Variants in NALCN observed in about 807,000 individuals in gnomAD.
NALCN encodes sodium leak channel, non-selective.
Under a neutral mutation model 225.3 loss-of-function variants are expected in NALCN, and 111 were observed. The ratio of observed to expected loss-of-function variants is 0.49; its 90% CI spans 0.42 to 0.58. NALCN has a LOEUF of 0.58. NALCN is among the 20% of genes least tolerant of loss of function. The probability of loss-of-function intolerance (pLI) is 0.00; values close to 1 mark genes in which losing one functional copy is unlikely to be tolerated. For synonymous variants in NALCN, 764 were observed against 769.0 expected, an observed-to-expected ratio of 0.99 and a Z score of 0.11; for missense variants, 1,378 against 2,202.4, an observed-to-expected ratio of 0.63 and a Z score of 7.49.
rs773689093 is a variant in NALCN at position 101,395,291 on chromosome 13, G to A, written c.183C>T (p.Phe61=). 64 of 1,613,954 alleles carry A rather than the reference G, an allele frequency of 4.0e-5. 1 individual carries two copies. The highest frequency in any genetic ancestry group is 1.6e-4 in the Middle Eastern group (1 of 6,084). Residue 61 remains phenylalanine, a synonymous_variant, in exon 3 of 44, where the codon TTC becomes TTT. Coordinates refer to ENST00000251127, the MANE Select transcript of NALCN (RefSeq NM_052867.4). ...CATACTGAAGTGGAGGATAGTGCTC[G>A]AAGGTCATTGGCGTATTCATACAAA... The part of the protein sequence containing the change: ...ISVCMNTPMT[F]EHYPPLQYVT...
At chr13:101,182,891 T>C (rs914063065) in intron 14 of NALCN, among the ~76,000 whole-genome samples, 4 of 152,092 alleles carry the variant, frequency 2.6e-5, no homozygotes, top group Non-Finnish European at 5.9e-5. Context: ...CGATAAAGGG[T>C]AGAAGTGAAG....
chr13:101,097,955 G>C (rs2034603643), intron 27 of NALCN, among the ~76,000 whole-genome samples: 1 of 152,196 alleles, frequency 6.6e-6, no homozygotes, highest in Non-Finnish European at 1.5e-5. Flanking sequence ...ATTCAAGGCA[G>C]AAATAGGTTC....
chr13:101,375,858 A>C (rs1243607334), intron 6 of NALCN, among the ~76,000 whole-genome samples: 2 of 152,030 alleles, frequency 1.3e-5, no homozygotes, highest in African/African-American at 4.8e-5. Flanking sequence ...CTCTATATCT[A>C]GCTAACACCT....
chr13:101,180,510 G>A (rs777398340), intron 14 of NALCN: 17 of 154,494 alleles, frequency 1.1e-4, no homozygotes, highest in Non-Finnish European at 2.0e-4. Context: ...TGGCCTCCGC[G>A]TGGCCTTTGG....
intron 7 of NALCN, among the ~76,000 whole-genome samples, chr13:101,321,608 T>C (rs1594672819): frequency 6.6e-6 from 1 of 152,124 alleles, no homozygotes; most frequent in Non-Finnish European, 1.5e-5. Flanking sequence ...CATGCAAGTA[T>C]ATTAATACTC....
chr13:101,060,275 G>GTTTTTGGTTTTTTTTTTTTTTTT (rs1555373026), intron 41 of NALCN, among the ~76,000 whole-genome samples: 1 of 79,854 alleles, frequency 1.3e-5, no homozygotes, highest in Non-Finnish European at 2.3e-5. Flanking sequence ...GGTGTTTTCT[G>GTTTTTGGTTTTTTTTTTTTTTTT]TTTTTTTTTT....
intron 2 of NALCN, among the ~76,000 whole-genome samples, chr13:101,396,772 C>T (rs1282219433): frequency 1.3e-5 from 2 of 151,910 alleles, no homozygotes; most frequent in African/African-American, 2.4e-5. Flanking sequence ...TCTTCAACAA[C>T]AAAAGTGTTT....
chr13:101,128,729 C>CT (rs2036363437), intron 17 of NALCN, among the ~76,000 whole-genome samples: 1 of 142,544 alleles, frequency 7.0e-6, no homozygotes, highest in African/African-American at 2.7e-5. Flanking sequence ...AGCTAAGTAA[C>CT]ATTTTTTTTT....
At chr13:101,252,366 T>A (rs2042087423) in intron 11 of NALCN, among the ~76,000 whole-genome samples, 3 of 152,222 alleles carry the variant, frequency 2.0e-5, no homozygotes, top group African/African-American at 4.8e-5. Context: ...AATAAATATT[T>A]CCTGTGGGGG....
At chr13:101,283,588 G>A (rs2390578) in intron 10 of NALCN, among the ~76,000 whole-genome samples, 15,868 of 152,062 alleles carry the variant, frequency 0.1, 1,143 homozygotes, top group African/African-American at 0.2. Flanking sequence ...CCAGTTACTC[G>A]GGGAGGTATG....
intron 11 of NALCN, among the ~76,000 whole-genome samples, chr13:101,257,320 T>C (rs763920914): frequency 6.6e-5 from 10 of 151,908 alleles, no homozygotes; most frequent in Non-Finnish European, 1.3e-4. Flanking sequence ...TTAACGGTAT[T>C]TTGTTTCAGG....
At chr13:101,110,092 A>G (rs540247395) in intron 20 of NALCN, among the ~76,000 whole-genome samples, 1 of 152,340 alleles carries the variant, frequency 6.6e-6, no homozygotes, top group East Asian at 1.9e-4. Flanking sequence ...GCACAGAGCA[A>G]ACACTTGATA....
chr13:101,125,283 G>A (rs605539), intron 17 of NALCN, among the ~76,000 whole-genome samples: 9,804 of 152,134 alleles, frequency 0.064, 379 homozygotes, highest in Middle Eastern at 0.14. Flanking sequence ...GGTGGAAGGT[G>A]TACAAGGAGT....
intron 6 of NALCN, among the ~76,000 whole-genome samples, chr13:101,366,394 A>G (rs958640741): frequency 1.3e-5 from 2 of 152,174 alleles, no homozygotes; most frequent in Non-Finnish European, 2.9e-5. Context: ...CTGGAGGTCA[A>G]CTATGAAACC....
intron 15 of NALCN, among the ~76,000 whole-genome samples, chr13:101,170,754 A>G (rs1566376633): frequency 6.6e-6 from 1 of 152,242 alleles, no homozygotes; most frequent in African/African-American, 2.4e-5. Context: ...GACTGGATAC[A>G]GGGCTGGGTA....
chr13:101,335,369 T>C (rs191679158), intron 7 of NALCN, among the ~76,000 whole-genome samples: 273 of 152,214 alleles, frequency 1.8e-3, no homozygotes, highest in African/African-American at 6.3e-3. Context: ...ACAGTCCCTT[T>C]AAAAATCCTC....
chr13:101,160,188 T>C (rs1208453347), intron 15 of NALCN, among the ~76,000 whole-genome samples: 1 of 152,156 alleles, frequency 6.6e-6, no homozygotes, highest in Non-Finnish European at 1.5e-5. Context: ...TCTCCTGACC[T>C]TGTGATCTGC....
chr13:101,387,191 G>A (rs549499278), intron 3 of NALCN, among the ~76,000 whole-genome samples: 153 of 132,334 alleles, frequency 1.2e-3, no homozygotes, highest in Admixed American at 3.8e-3. Context: ...ACTGCAGTCC[G>A]CAGTCCGGCC....
At chr13:101,304,891 G>A (rs984136476) in intron 7 of NALCN, among the ~76,000 whole-genome samples, 5 of 151,022 alleles carry the variant, frequency 3.3e-5, no homozygotes, top group African/African-American at 1.2e-4. Context: ...GAGTAGCTGC[G>A]ACTACAGGTC....
Sources: allele counts gnomAD v4.1 joint callset (sites outside exome capture counted in the v4.1 genomes callset), GRCh38; gene constraint gnomAD v4.1.1; transcripts MANE v1.5; gene names NCBI Gene and HGNC (gene_info 2026-07-23, HGNC 2026-07-21).